The following ZGPAT variants were observed in gnomAD, a reference collection of about 807,000 sequenced individuals.
The protein encoded by ZGPAT is zinc finger CCCH-type with G patch domain-containing protein.
Under a neutral mutation model 47.9 loss-of-function variants are expected in ZGPAT, and 39 were observed. The observed-to-expected ratio is 0.81, with a 90% CI of 0.63 to 1.06. The LOEUF is 1.06. ZGPAT is among the 50% of genes least tolerant of loss of function. ZGPAT has a pLI of 0.00. For synonymous variants in ZGPAT, 348 were observed against 292.9 expected, an observed-to-expected ratio of 1.19 and a Z score of -1.92; for missense variants, 717 against 681.4, an observed-to-expected ratio of 1.05 and a Z score of -0.58.
At chr20:63,733,016 ATGTGTGCGTGAG>A (rs1568800925) in intron 2 of ZGPAT, among the ~76,000 whole-genome samples, 191 bp from the exon 3 acceptor site, 2 of 148,926 alleles carry the variant, frequency 1.3e-5, no homozygotes, top group African/African-American at 2.5e-5. Flanking sequence ...GCATGTGTGT[ATGTGTGCGTGAG>A]TGTGTGCATG....
intron 2 of ZGPAT, among the ~76,000 whole-genome samples, chr20:63,724,194 C>T (rs893053529): frequency 7.5e-4 from 114 of 151,996 alleles, no homozygotes; most frequent in Admixed American, 4.7e-3. Flanking sequence ...GGTGAAACCC[C>T]GTCTCTACTA....
Position 63,735,892 on chromosome 20 carries a change from C to A in ZGPAT, c.1509C>A (p.Asp503Glu), listed in dbSNP as rs2091985318. Residue 503 changes from aspartate (D) to glutamate (E), a missense_variant, in exon 7 of 7, where the codon GAC (aspartate) becomes GAA (glutamate). Asp to Glu is a conservative substitution (Grantham distance 45, BLOSUM62 2). Coordinates refer to ENST00000355969, the MANE Select transcript of ZGPAT (RefSeq NM_181485.3). ...AGLQQEQRKA[D>E]THKKMTEF Reference sequence around the variant, plus strand: ...TGCAGCAGGAGCAGAGGAAGGCAGACACCCACAAGAAGATGACTGAGTTCT... The same window carrying A: ...TGCAGCAGGAGCAGAGGAAGGCAGAAACCCACAAGAAGATGACTGAGTTCT... 1 of 1,612,826 alleles carries A rather than the reference C, an allele frequency of 6.2e-7. No individual in the cohort carries two copies.
At position 63,729,245 on chromosome 20, in the gene ZGPAT, G is replaced by C. The variant is rs549223093; in HGVS notation, c.585-3974G>C. Among the ~76,000 whole-genome samples, 24 of 152,148 alleles carry C rather than the reference G, an allele frequency of 1.6e-4. 1 individual carries two copies. Among genetic ancestry groups the C allele is most frequent in the African/African-American group, 5.5e-4 (23 of 41,534 alleles). Reference sequence around the variant, plus strand: ...GGGTTTCACCACGTTGGCCAGGCTGGTCTCAAACTCCTGACCTCAAGTGAT... The same window carrying C: ...GGGTTTCACCACGTTGGCCAGGCTGCTCTCAAACTCCTGACCTCAAGTGAT... On this transcript the variant is annotated intron_variant, in intron 2 of 6. Transcript: ENST00000355969.
Position 63,735,906 on chromosome 20 carries a change from T to C in ZGPAT, c.1523T>C (p.Met508Thr). 2 of 1,612,466 alleles carry C rather than the reference T, an allele frequency of 1.2e-6. No homozygotes were observed. The highest frequency in any genetic ancestry group is 1.7e-6 in the Non-Finnish European group (2 of 1,179,738). The change falls in exon 7 of 7, where the codon ATG (methionine) becomes ACG (threonine). Residue 508 changes from methionine (M) to threonine (T), a missense_variant. Coordinates refer to ENST00000355969, the MANE Select transcript of ZGPAT (RefSeq NM_181485.3). Reference sequence around the variant, plus strand: ...AGGAAGGCAGACACCCACAAGAAGATGACTGAGTTCTAGAGACCCCACAAG... The same window carrying C: ...AGGAAGGCAGACACCCACAAGAAGACGACTGAGTTCTAGAGACCCCACAAG... ...EQRKADTHKK[M>T]TEF
chr20:63,731,924 A>C lies in ZGPAT; in HGVS notation c.585-1295A>C, dbSNP rs142343774. On this transcript the variant is annotated intron_variant, in intron 2 of 6. Transcript: ENST00000355969. ...TAGGGATGATTTAAAGTACGTGGGA[A>C]GATGTGCGTAGGTTATATGCAAACA... Among the ~76,000 whole-genome samples, 5 of 152,352 alleles carry C rather than the reference A, an allele frequency of 3.3e-5. No individual in the cohort carries two copies. The East Asian group carries it at 9.6e-4, about 29-fold the overall frequency.
rs774132992 is a variant in ZGPAT at position 63,708,647 on chromosome 20, G to T, written c.67G>T (p.Ala23Ser). Residue 23 changes from alanine (A) to serine (S), a missense_variant, in exon 2 of 7, where the codon GCC becomes TCC. By Grantham distance (99) the Ala-to-Ser change is moderately conservative (BLOSUM62 1). Transcript: ENST00000355969. ...TGCGCAGCTGCAGCAGGTGGAGCTGGCCTTGGGCGCCGGCCTGGATTCGTC... is the reference window on the plus strand; with the variant it reads ...TGCGCAGCTGCAGCAGGTGGAGCTGTCCTTGGGCGCCGGCCTGGATTCGTC... ...YRAQLQQVELALGAGLDSSEQ... is the reference protein window; with the variant it reads ...YRAQLQQVELSLGAGLDSSEQ... The T allele has an allele frequency of 1.2e-6, 2 of 1,612,344 alleles. No individual in the cohort carries two copies. Among genetic ancestry groups the T allele is most frequent in the Non-Finnish European group, 1.7e-6 (2 of 1,179,746 alleles).
rs776428194 is a variant in ZGPAT, at chr20:63,735,355, C to T, written c.1188C>T (p.Asp396=). ...GCCCAGCTCCTCGGAATGTGTTTGACTTCCTCAATGAAAAGCTGCAAGGTC... is the reference window on the plus strand; with the variant it reads ...GCCCAGCTCCTCGGAATGTGTTTGATTTCCTCAATGAAAAGCTGCAAGGTC... ...GGRPAPRNVF[D]FLNEKLQGQA... is the part of the protein sequence containing the mutation. The change falls in exon 6 of 7, where the codon GAC becomes GAT. Residue 396 remains aspartate, a synonymous_variant. Transcript: ENST00000355969. 28 of 1,547,860 alleles carry T rather than the reference C, an allele frequency of 1.8e-5. No homozygotes were observed. Among genetic ancestry groups the T allele is most frequent in the Admixed American group, 2.1e-5 (1 of 47,418 alleles).
intron 2 of ZGPAT, 75 bp downstream of exon 2, chr20:63,709,239 C>T (rs1211721876): frequency 6.5e-7 from 1 of 1,536,382 alleles, no homozygotes; most frequent in African/African-American, 1.4e-5. Flanking sequence ...CAGGATCGGC[C>T]CTCCCTTTGC....
Position 63,734,360 on chromosome 20 carries a change from G to A in ZGPAT, c.872-345G>A, listed in dbSNP as rs2091954701. 5 of 387,058 alleles carry A rather than the reference G, an allele frequency of 1.3e-5. No homozygotes were observed. In the South Asian group the frequency reaches 2.2e-4, roughly 17 times the overall value. 24.0% of individuals were successfully genotyped at this position (387,058 alleles called of 1,614,324 possible). A position where few individuals can be genotyped will look rare whatever the true frequency, so the allele number is the denominator to read the frequency against. ...CCTGGTGAAGGAGGACTGAACCAAG[G>A]ACTCTGTGAGGGCAGGTGAGGCGCT... On this transcript the variant is annotated intron_variant, in intron 4 of 6. Coordinates refer to ENST00000355969, the MANE Select transcript of ZGPAT (RefSeq NM_181485.3).
rs371229830 is a variant in ZGPAT at position 63,733,597 on chromosome 20, C to T, written c.729C>T (p.Asn243=). The T allele has an allele frequency of 2.6e-5, 42 of 1,614,140 alleles. No individual in the cohort carries two copies. The African/African-American group carries it at 3.7e-4, about 14-fold the overall frequency. ...WHAARITDVD[N]GYYTVKFDSL... is the part of the protein sequence containing the mutation. ...TGTCTCTGCCCCCAGATGTGGACAA[C>T]GGCTACTACACAGTCAAGTTTGACT... Residue 243 remains asparagine, a synonymous_variant, in exon 4 of 7, where the codon AAC becomes AAT. Transcript: ENST00000355969.
intron 4 of ZGPAT, chr20:63,734,213 C>CGT (rs1284344626): frequency 2.8e-5 from 7 of 250,222 alleles, no homozygotes; most frequent in Non-Finnish European, 4.7e-5. Flanking sequence ...TATGCGTGTG[C>CGT]GTGTGTGTGT....
intron 2 of ZGPAT, among the ~76,000 whole-genome samples, chr20:63,730,758 A>G (rs994403958): frequency 3.9e-5 from 6 of 152,178 alleles, no homozygotes; most frequent in African/African-American, 1.2e-4. Flanking sequence ...CTGGGATTAC[A>G]GGCGTGAGCC....
At chr20:63,721,077 C>T (rs1056442607) in intron 2 of ZGPAT, among the ~76,000 whole-genome samples, 4 of 151,108 alleles carry the variant, frequency 2.6e-5, no homozygotes, top group East Asian at 3.9e-4. Flanking sequence ...AGAGGCCGGG[C>T]GCAGTGGCTC....
chr20:63,708,492 C>T (rs1212534478), intron 1 of ZGPAT, 61 bp from the exon 2 acceptor site: 8 of 1,271,310 alleles, frequency 6.3e-6, no homozygotes, highest in South Asian at 6.1e-5. Flanking sequence ...TGCCCGTGCC[C>T]GCCCTCAGGC....
rs2091944406 is a variant in ZGPAT, at chr20:63,733,474, T to TG, written c.719-112dup. 3.1e-6 allele frequency: 5 copies of TG among 1,600,072 alleles called. No homozygotes were observed. The South Asian group carries it at 5.6e-5, about 18-fold the overall frequency. On this transcript the variant is annotated intron_variant, in intron 3 of 6. Coordinates refer to ENST00000355969, the MANE Select transcript of ZGPAT (RefSeq NM_181485.3). ...CGGGACTCTGGCTCTGGGCCCGAAA[T>TG]GAGCACACCTACCCTCAGCCTCTGC... is the stretch of plus-strand genomic sequence containing the variant.
In ZGPAT at chr20:63,735,797, G is replaced by A. The variant is rs1481336212; in HGVS notation, c.1414G>A (p.Ala472Thr). 2 of 1,608,186 alleles carry A rather than the reference G, an allele frequency of 1.2e-6. No individual in the cohort carries two copies. The highest frequency in any genetic ancestry group is 1.7e-6 in the Non-Finnish European group (2 of 1,177,902). Residue 472 changes from alanine (A) to threonine (T), a missense_variant, in exon 7 of 7, where the codon GCC becomes ACC. Coordinates refer to ENST00000355969, the MANE Select transcript of ZGPAT (RefSeq NM_181485.3). ...CCTCCGCAGGCATAGCGTGGCGTCA[G>A]CCCAGCTGCAGGAGAAGCTGGCAGG... Reference protein sequence around the residue: ...RNAGRHSVASAQLQEKLAGAQ... With the variant: ...RNAGRHSVASTQLQEKLAGAQ...
At position 63,726,028 on chromosome 20, in the gene ZGPAT, G is replaced by A. The variant is rs572197707; in HGVS notation, c.585-7191G>A. On this transcript the variant is annotated intron_variant, in intron 2 of 6. Transcript: ENST00000355969. ...TAATTTTTGTATTTATAGTAGAGAC[G>A]AGGTTTCACCATGTTGGCAAGGCTG... 6.7e-4 allele frequency among the ~76,000 whole-genome samples: 101 copies of A among 151,224 alleles called. 1 individual carries two copies. The Middle Eastern group carries it at 0.021, about 31-fold the overall frequency.
chr20:63,722,017 A>G (rs6010629), intron 2 of ZGPAT, among the ~76,000 whole-genome samples: 1,366 of 9,502 alleles, frequency 0.14, 81 homozygotes, highest in African/African-American at 0.44. Flanking sequence ...CATCTCGGGG[A>G]AAAAAAAAAA....
chr20:63,732,666 GTATATGCC>G (rs1280795916), intron 2 of ZGPAT, among the ~76,000 whole-genome samples: 3 of 126,580 alleles, frequency 2.4e-5, no homozygotes, highest in Middle Eastern at 3.4e-3. Context: ...GTGTACATGT[GTATATGCC>G]TGTGTGCATG....
Sources: gnomAD v4.1 joint callset for allele counts (sites outside exome capture counted in the v4.1 genomes callset) on GRCh38, gnomAD v4.1.1 for gene constraint, MANE v1.5 for transcripts, NCBI Gene and HGNC (gene_info 2026-07-23, HGNC 2026-07-21) for gene names.